The following SCARA5 variants were observed in gnomAD, a reference collection of about 807,000 sequenced individuals.
SCARA5 encodes scavenger receptor class A, member 5 (putative).
A neutral mutation model predicts 46.3 loss-of-function variants in SCARA5; 45 were observed. The observed-to-expected ratio is 0.97, with a 90% confidence interval of 0.76 to 1.24. The LOEUF is 1.24. Among genes scored for constraint, SCARA5 ranks in the 50% most tolerant of loss-of-function variants. SCARA5 has a pLI of 0.00. For missense variants in SCARA5, 680 were observed against 689.0 expected (o/e 0.99, Z 0.15); for synonymous variants, 333 against 306.5 (o/e 1.09, Z -0.90).
chr8:27,980,799 G>A (rs1054420121), intron 2 of SCARA5, among the ~76,000 whole-genome samples: 5 of 152,162 alleles, frequency 3.3e-5, no homozygotes, highest in South Asian at 2.1e-4. Flanking sequence ...TCTAATATTC[G>A]AGAAACAGGA....
chr8:27,894,321 C>G lies in SCARA5; in HGVS notation c.1153+10457G>C, dbSNP rs115594878. On this transcript the variant is annotated intron_variant, in intron 7 of 8. Transcript: ENST00000354914. Reference sequence around the variant, plus strand: ...TGTTATTTTCAATCCACAGAGGCGACTCTCAGGCTGAATGCTTAAGACAAA... The same window carrying G: ...TGTTATTTTCAATCCACAGAGGCGAGTCTCAGGCTGAATGCTTAAGACAAA... 4.1e-3 allele frequency among the ~76,000 whole-genome samples: 622 copies of G among 152,352 alleles called. 4 individuals carry two copies. Among genetic ancestry groups the G allele is most frequent in the African/African-American group, 0.014 (588 of 41,580 alleles).
chr8:27,987,422 T>C, intron 2 of SCARA5, 82 bp downstream of exon 2: 3 of 892,076 alleles, frequency 3.4e-6, no homozygotes, highest in Middle Eastern at 3.1e-4. Flanking sequence ...TTAAAGGCAA[T>C]GCCAAGGTTG....
At chr8:27,904,696 C>T in intron 7 of SCARA5, 82 bp downstream of exon 7, 3 of 1,267,062 alleles carry the variant, frequency 2.4e-6, no homozygotes, top group Non-Finnish European at 3.5e-6. Flanking sequence ...AGCCTCTGAA[C>T]CTCCAAACTT....
chr8:27,964,100 C>T (rs1409076835), intron 3 of SCARA5, among the ~76,000 whole-genome samples: 8 of 152,182 alleles, frequency 5.3e-5, no homozygotes, highest in Non-Finnish European at 1.2e-4. Context: ...GAAGGAGCAT[C>T]GCTGAGGTCT....
intron 8 of SCARA5, among the ~76,000 whole-genome samples, chr8:27,876,797 A>T (rs1000617029): frequency 1.1e-4 from 17 of 151,928 alleles, no homozygotes; most frequent in African/African-American, 4.1e-4. Flanking sequence ...TGCTAGGGAG[A>T]GGAAACTGTC....
At chr8:27,909,989 G>A (rs1349958478) in intron 4 of SCARA5, among the ~76,000 whole-genome samples, 1 of 151,714 alleles carries the variant, frequency 6.6e-6, no homozygotes, top group Admixed American at 6.6e-5. Flanking sequence ...GGTGGGAGAG[G>A]GACACACACA....
chr8:27,950,607 C>T (rs537106654), intron 3 of SCARA5, among the ~76,000 whole-genome samples: 15 of 152,246 alleles, frequency 9.9e-5, no homozygotes, highest in African/African-American at 3.6e-4. Context: ...GAAGGAGGGA[C>T]ATGTGAGCTC....
chr8:27,964,559 G>A (rs566995918), intron 3 of SCARA5, among the ~76,000 whole-genome samples: 1 of 152,110 alleles, frequency 6.6e-6, no homozygotes, highest in Admixed American at 6.5e-5. Flanking sequence ...TCATCATACT[G>A]GACGGCACTA....
At chr8:27,898,215 G>A (rs1807095556) in intron 7 of SCARA5, among the ~76,000 whole-genome samples, 1 of 150,536 alleles carries the variant, frequency 6.6e-6, no homozygotes, top group Admixed American at 6.7e-5. Context: ...CTCACAGCAT[G>A]GATTAATCGG....
At chr8:27,945,936 G>C (rs1341890679) in intron 3 of SCARA5, among the ~76,000 whole-genome samples, 1 of 152,250 alleles carries the variant, frequency 6.6e-6, no homozygotes, top group African/African-American at 2.4e-5. Flanking sequence ...GTGAACGCTA[G>C]TGTGTTTAAA....
At chr8:27,946,374 G>A (rs1450040773) in intron 3 of SCARA5, among the ~76,000 whole-genome samples, 1 of 152,190 alleles carries the variant, frequency 6.6e-6, no homozygotes, top group Non-Finnish European at 1.5e-5. Context: ...GAAGGGATTG[G>A]CTCCAGGATC....
chr8:27,979,532 G>C (rs184467537), intron 2 of SCARA5, among the ~76,000 whole-genome samples: 3 of 151,598 alleles, frequency 2.0e-5, no homozygotes, highest in Admixed American at 1.3e-4. Context: ...AGCCCAGCCT[G>C]TTCAACTGCA....
Position 27,966,544 on chromosome 8 carries a change from T to A in SCARA5, c.113-2A>T. The A allele has an allele frequency of 6.2e-7, 1 of 1,605,368 alleles. No homozygotes were observed. The highest frequency in any genetic ancestry group is 8.5e-7 in the Non-Finnish European group (1 of 1,177,692). On this transcript the variant is annotated splice_acceptor_variant, in intron 2 of 8. Transcript: ENST00000354914. LOFTEE classifies it high-confidence loss of function. ...TTGCCCGCCGTTTGTGACATGGACCTGGACAATAAGGGTAAGAGGAGGAAG... is the reference window on the plus strand; with the variant it reads ...TTGCCCGCCGTTTGTGACATGGACCAGGACAATAAGGGTAAGAGGAGGAAG...
In SCARA5 at chr8:27,881,829, G is replaced by C. The variant is rs1340762532; in HGVS notation, c.1154-2063C>G. 2.6e-5 allele frequency among the ~76,000 whole-genome samples: 4 copies of C among 152,154 alleles called. No individual in the cohort carries two copies. The South Asian group carries it at 6.2e-4, about 24-fold the overall frequency. On this transcript the variant is annotated intron_variant, in intron 7 of 8. Coordinates refer to ENST00000354914, the MANE Select transcript of SCARA5 (RefSeq NM_173833.6). ...CCCCCATTATCAACATCCCCTGAGA[G>C]TGGTGCATTTGTTACACTCAATGAA... is the stretch of plus-strand genomic sequence containing the variant.
intron 3 of SCARA5, among the ~76,000 whole-genome samples, chr8:27,941,646 C>T (rs1807946120): frequency 6.6e-6 from 1 of 151,936 alleles, no homozygotes; most frequent in African/African-American, 2.4e-5. Flanking sequence ...CACCCTGCAC[C>T]TCCCCTTCCT....
chr8:27,904,849 G>C lies in SCARA5; in HGVS notation c.1097-15C>G. Reference sequence around the variant, plus strand: ...GCCTCGGTCACCTAAAACAGAGGAGGAAACTGGCATTAGAAATGGAAAGAA... The same window carrying C: ...GCCTCGGTCACCTAAAACAGAGGAGCAAACTGGCATTAGAAATGGAAAGAA... On this transcript the variant is annotated splice_polypyrimidine_tract_variant and intron_variant, in intron 6 of 8. Coordinates refer to ENST00000354914, the MANE Select transcript of SCARA5 (RefSeq NM_173833.6). 6.3e-7 allele frequency: 1 copy of C among 1,593,818 alleles called. No individual in the cohort carries two copies. Among genetic ancestry groups the C allele is most frequent in the Admixed American group, 1.7e-5 (1 of 57,192 alleles).
At position 27,987,508 on chromosome 8, in the gene SCARA5, C is replaced by T. The variant is rs754711306; in HGVS notation, c.108G>A (p.Glu36=). ...GRSLSKLNLC[E]DGPCHKRRAS... is the part of the protein sequence containing the mutation. ...GTCTGAGCCAGCTGCACTCACCATC[C>T]TCACACAGGTTCAGCTTGGACAGGC... Residue 36 remains glutamate (E), a synonymous_variant, in exon 2 of 9, where the codon GAG becomes GAA. Transcript: ENST00000354914. The T allele has an allele frequency of 9.3e-6, 15 of 1,611,084 alleles. No individual in the cohort carries two copies. In the Admixed American group the frequency reaches 1.5e-4, roughly 16 times the overall value.
intron 3 of SCARA5, among the ~76,000 whole-genome samples, chr8:27,948,197 G>C (rs1196271972): frequency 6.6e-6 from 1 of 152,164 alleles, no homozygotes; most frequent in Non-Finnish European, 1.5e-5. Context: ...GCTGGGTGGG[G>C]TCGGGGGTGG....
At chr8:27,905,642 G>T (rs1807246321) in intron 6 of SCARA5, among the ~76,000 whole-genome samples, 1 of 151,522 alleles carries the variant, frequency 6.6e-6, no homozygotes, top group Admixed American at 6.6e-5. Flanking sequence ...AGAGCTGGGG[G>T]AACTGAGGGG....
Sources: allele counts gnomAD v4.1 joint callset (sites outside exome capture counted in the v4.1 genomes callset), GRCh38; gene constraint gnomAD v4.1.1; transcripts MANE v1.5; gene names NCBI Gene and HGNC (gene_info 2026-07-23, HGNC 2026-07-21).